PDZD2: variants seen among roughly 807,000 people sequenced by gnomAD.
PDZD2 encodes PDZ domain containing 2.
PDZD2 carries 90 observed loss-of-function variants against 220.7 expected under a neutral mutation model. The observed-to-expected ratio is 0.41, with a 90% CI of 0.34 to 0.49. The LOEUF (loss-of-function observed/expected upper bound fraction) is 0.49. PDZD2 is among the 20% of genes least tolerant of loss of function. The probability of loss-of-function intolerance (pLI) is 0.28; values close to 1 mark genes in which losing one functional copy is unlikely to be tolerated. For synonymous variants in PDZD2, 1,375 were observed against 1,450.5 expected (o/e 0.95, Z 1.18); for missense variants, 3,174 against 3,608.5 (o/e 0.88, Z 3.08).
intron 1 of PDZD2, among the ~76,000 whole-genome samples, chr5:31,702,670 G>A (rs1475789867): frequency 6.6e-6 from 1 of 152,216 alleles, no homozygotes; most frequent in African/African-American, 2.4e-5. Context: ...CTAGAAGTCG[G>A]AGAGATAGGC....
At chr5:31,998,103 G>A (rs552545198) in intron 4 of PDZD2, among the ~76,000 whole-genome samples, 1 of 152,096 alleles carries the variant, frequency 6.6e-6, no homozygotes, top group Non-Finnish European at 1.5e-5. Flanking sequence ...AGCCTCCCAA[G>A]GGATGGAGAT....
In PDZD2 at chr5:31,839,890, A is replaced by G. The variant is rs529350215; in HGVS notation, c.476+40166A>G. Among the ~76,000 whole-genome samples the G allele has an allele frequency of 2.8e-3, 433 of 152,272 alleles. 1 individual carries two copies. The highest frequency in any genetic ancestry group is 9.7e-3 in the African/African-American group (404 of 41,530). On this transcript the variant is annotated intron_variant, in intron 2 of 24. Transcript: ENST00000438447. ...TTGCTCAGCACTTCTCCTTCCTGCCATCATGTGAAGAAGGACACGTTTGCT... is the reference window on the plus strand; with the variant it reads ...TTGCTCAGCACTTCTCCTTCCTGCCGTCATGTGAAGAAGGACACGTTTGCT...
intron 1 of PDZD2, among the ~76,000 whole-genome samples, chr5:31,697,897 ATTATCATTTT>A (rs36220404): frequency 0.44 from 65,719 of 149,766 alleles, 14,849 homozygotes; most frequent in East Asian, 0.61. Context: ...TATTATTATT[ATTATCATTTT>A]TTATCATTTT....
intron 1 of PDZD2, among the ~76,000 whole-genome samples, chr5:31,781,514 A>ATT (rs1753063158): frequency 6.6e-6 from 1 of 152,236 alleles, no homozygotes; most frequent in African/African-American, 2.4e-5. Context: ...TCCATAGGCC[A>ATT]TTGTGAGCAT....
intron 2 of PDZD2, among the ~76,000 whole-genome samples, chr5:31,880,975 T>G (rs183928130): frequency 6.6e-6 from 1 of 151,660 alleles, no homozygotes. Flanking sequence ...CTAATTTCTG[T>G]ATTTTTAGTA....
intron 1 of PDZD2, among the ~76,000 whole-genome samples, chr5:31,730,386 C>T (rs1749452786): frequency 6.6e-6 from 1 of 152,146 alleles, no homozygotes; most frequent in South Asian, 2.1e-4. Flanking sequence ...TTCCACAGGA[C>T]CTAACTGTAT....
intron 3 of PDZD2, among the ~76,000 whole-genome samples, chr5:31,991,790 A>C (rs913265776): frequency 6.6e-6 from 1 of 152,156 alleles, no homozygotes; most frequent in African/African-American, 2.4e-5. Flanking sequence ...GCACTTTGGG[A>C]GGCCGAGGTG....
chr5:31,798,528 A>G (rs1344196439), intron 1 of PDZD2, among the ~76,000 whole-genome samples: 1 of 152,166 alleles, frequency 6.6e-6, no homozygotes, highest in Non-Finnish European at 1.5e-5. Flanking sequence ...GTAAGATTTT[A>G]AATATATGCA....
chr5:31,783,624 G>A (rs563421538), intron 1 of PDZD2, among the ~76,000 whole-genome samples: 1 of 152,284 alleles, frequency 6.6e-6, no homozygotes, highest in African/African-American at 2.4e-5. Flanking sequence ...AGTGGAACCT[G>A]GTGGGTGGCA....
chr5:31,919,645 C>T (rs1327191312), intron 2 of PDZD2, among the ~76,000 whole-genome samples: 18 of 149,892 alleles, frequency 1.2e-4, no homozygotes, highest in East Asian at 2.0e-4. Context: ...AGCGCCCGGC[C>T]GTCTCTCTCT....
At position 31,906,114 on chromosome 5, in the gene PDZD2, C is replaced by T. The variant is rs1031621493; in HGVS notation, c.477-77041C>T. Among the ~76,000 whole-genome samples the T allele has an allele frequency of 8.1e-4, 119 of 147,188 alleles. 1 individual carries two copies. Among genetic ancestry groups the T allele is most frequent in the African/African-American group, 2.8e-3 (114 of 40,204 alleles). ...TCGGCTTACTACAAGCTCTGCCTCCCGGGTTCATGTCATTCTCCCGCCTCA... is the reference window on the plus strand; with the variant it reads ...TCGGCTTACTACAAGCTCTGCCTCCTGGGTTCATGTCATTCTCCCGCCTCA... On this transcript the variant is annotated intron_variant, in intron 2 of 24. Transcript: ENST00000438447.
intron 1 of PDZD2, among the ~76,000 whole-genome samples, chr5:31,764,845 G>A (rs1260271689): frequency 6.6e-6 from 1 of 152,226 alleles, no homozygotes; most frequent in Non-Finnish European, 1.5e-5. Flanking sequence ...GGGAGGCCAA[G>A]ATAGGCGGAT....
At chr5:31,978,674 C>T (rs373496053) in intron 2 of PDZD2, among the ~76,000 whole-genome samples, 2 of 142,986 alleles carry the variant, frequency 1.4e-5, no homozygotes, top group African/African-American at 2.7e-5. Flanking sequence ...AAGATTGCAC[C>T]GCTGCCCTCT....
chr5:31,880,481 A>G (rs1032204362), intron 2 of PDZD2, among the ~76,000 whole-genome samples: 3 of 152,314 alleles, frequency 2.0e-5, no homozygotes, highest in South Asian at 2.1e-4. Flanking sequence ...TCAAAATTCT[A>G]TGAACAGAAT....
intron 1 of PDZD2, among the ~76,000 whole-genome samples, chr5:31,718,998 C>T (rs1333683475): frequency 6.6e-6 from 1 of 152,160 alleles, no homozygotes; most frequent in Non-Finnish European, 1.5e-5. Flanking sequence ...CAGCACCCTG[C>T]CTAACCGCCT....
At chr5:31,941,372 T>C (rs4867404) in intron 2 of PDZD2, among the ~76,000 whole-genome samples, 145,354 of 152,270 alleles carry the variant, frequency 0.95, 69,428 homozygotes, top group African/African-American at 0.99. Context: ...CTTTGGAAAA[T>C]ATCAAAGATA....
intron 2 of PDZD2, among the ~76,000 whole-genome samples, chr5:31,885,158 C>CAAAAAAAAAAAAAAAAGAAAAAAAAAA (rs397978491): frequency 9.5e-6 from 1 of 105,260 alleles, no homozygotes; most frequent in Admixed American, 9.8e-5. Context: ...GTGCAAACGG[C>CAAAAAAAAAAAAAAAAGAAAAAAAAAA]AAAAAAAAAA....
intron 6 of PDZD2, among the ~76,000 whole-genome samples, chr5:32,029,329 T>TAAAAAAAAAAAAAAAA: frequency 1.5e-5 from 1 of 65,836 alleles, no homozygotes; most frequent in Non-Finnish European, 2.7e-5. Flanking sequence ...TCAAGAACTG[T>TAAAAAAAAAAAAAAAA]AAAAAAAAAA....
chr5:31,876,652 G>A (rs1739332393), intron 2 of PDZD2, among the ~76,000 whole-genome samples: 2 of 152,138 alleles, frequency 1.3e-5, no homozygotes, highest in South Asian at 4.1e-4. Context: ...TTGTTTGGAG[G>A]TTGGTCTTGA....
Sources: allele counts gnomAD v4.1 joint callset (sites outside exome capture counted in the v4.1 genomes callset), GRCh38; gene constraint gnomAD v4.1.1; transcripts MANE v1.5; gene names NCBI Gene and HGNC (gene_info 2026-07-23, HGNC 2026-07-21).